Variants in PRICKLE1 observed in about 807,000 individuals in gnomAD.
The protein encoded by PRICKLE1 is prickle-like protein 1.
A neutral mutation model predicts 70.2 loss-of-function variants in PRICKLE1; 14 were observed. That is an observed-to-expected ratio of 0.20 (90% CI 0.13 to 0.31). The LOEUF (loss-of-function observed/expected upper bound fraction) is 0.31, where lower values mean the gene tolerates loss of function less well. Ranked by LOEUF, PRICKLE1 falls within the 10% of genes least tolerant of loss-of-function variation. PRICKLE1 has a pLI of 1.00. For synonymous variants in PRICKLE1, 357 were observed against 379.9 expected (o/e 0.94, Z 0.70); for missense variants, 821 against 1,026.2 (o/e 0.80, Z 2.73).
At chr12:42,478,261 T>C (rs1270591734) in intron 1 of PRICKLE1, among the ~76,000 whole-genome samples, 1 of 152,172 alleles carries the variant, frequency 6.6e-6, no homozygotes, top group African/African-American at 2.4e-5. Flanking sequence ...TAAAATGCTG[T>C]AGCAAACTTA....
chr12:42,467,809 AT>A (rs1165025588), intron 5 of PRICKLE1, among the ~76,000 whole-genome samples: 3 of 152,232 alleles, frequency 2.0e-5, no homozygotes, highest in African/African-American at 7.2e-5. Flanking sequence ...GTTGAAAAAA[AT>A]GTATAAAGTA....
chr12:42,476,559 G>A (rs1938544516), intron 1 of PRICKLE1, among the ~76,000 whole-genome samples: 1 of 152,106 alleles, frequency 6.6e-6, no homozygotes, highest in Non-Finnish European at 1.5e-5. Context: ...CAGGGGATCT[G>A]CCCGCTTTGG....
chr12:42,526,959 C>T (rs531769075), intron 1 of PRICKLE1, among the ~76,000 whole-genome samples: 13 of 152,054 alleles, frequency 8.5e-5, no homozygotes, highest in South Asian at 6.2e-4. Flanking sequence ...ATAGGGGTGA[C>T]GGTGAGTGGG....
chr12:42,508,058 C>A (rs964347632), intron 1 of PRICKLE1, among the ~76,000 whole-genome samples: 1 of 151,656 alleles, frequency 6.6e-6, no homozygotes, highest in Non-Finnish European at 1.5e-5. Context: ...ATTTCAATGG[C>A]GATTTAGATA....
At chr12:42,555,416 G>A (rs546085243) in intron 1 of PRICKLE1, among the ~76,000 whole-genome samples, 2 of 152,228 alleles carry the variant, frequency 1.3e-5, no homozygotes, top group South Asian at 2.1e-4. Flanking sequence ...TTATAGATGC[G>A]AAAAACAATA....
At chr12:42,539,294 T>C (rs111603444) in intron 1 of PRICKLE1, among the ~76,000 whole-genome samples, 10,117 of 151,974 alleles carry the variant, frequency 0.067, 429 homozygotes, top group Middle Eastern at 0.11. Context: ...GGTGAAACCC[T>C]GTCTCTACTA....
chr12:42,470,072 T>TTTTCTCTC, intron 3 of PRICKLE1, 174 bp downstream of exon 3: 1 of 613,062 alleles, frequency 1.6e-6, no homozygotes, highest in South Asian at 1.9e-5. Flanking sequence ...ACTGATACTC[T>TTTTCTCTC]TTTCTCTCTT....
chr12:42,513,368 T>C (rs766762580), intron 1 of PRICKLE1, among the ~76,000 whole-genome samples: 6 of 152,164 alleles, frequency 3.9e-5, no homozygotes, highest in Admixed American at 6.6e-5. Context: ...GTAGCTCCAA[T>C]ACCTGGTGCA....
At chr12:42,498,938 C>T (rs11181527) in intron 1 of PRICKLE1, among the ~76,000 whole-genome samples, 55,202 of 152,070 alleles carry the variant, frequency 0.36, 11,037 homozygotes, top group East Asian at 0.51. Context: ...ACACTGAGCT[C>T]TCACTGCTCC....
At chr12:42,543,757 G>A (rs766924935) in intron 1 of PRICKLE1, among the ~76,000 whole-genome samples, 3 of 152,028 alleles carry the variant, frequency 2.0e-5, no homozygotes, top group African/African-American at 4.8e-5. Flanking sequence ...TCCTGACCTC[G>A]TTATCTGCCT....
At chr12:42,583,303 G>A (rs529311862) in intron 1 of PRICKLE1, among the ~76,000 whole-genome samples, 8 of 152,088 alleles carry the variant, frequency 5.3e-5, no homozygotes, top group Non-Finnish European at 1.2e-4. Flanking sequence ...GCCTGGGTAA[G>A]GTGGATGTGT....
intron 1 of PRICKLE1, among the ~76,000 whole-genome samples, chr12:42,563,702 CAAAAAAAAA>C (rs11367725): frequency 4.3e-5 from 2 of 46,512 alleles, no homozygotes; most frequent in South Asian, 1.2e-3. Flanking sequence ...GACTCTGTCT[CAAAAAAAAA>C]AAAAAAAAAA....
At chr12:42,550,831 A>T (rs1940302170) in intron 1 of PRICKLE1, among the ~76,000 whole-genome samples, 1 of 152,232 alleles carries the variant, frequency 6.6e-6, no homozygotes, top group Admixed American at 6.5e-5. Context: ...AATTGTCAAG[A>T]GAGTTTCTCC....
chr12:42,522,722 G>A (rs1939732611), intron 1 of PRICKLE1, among the ~76,000 whole-genome samples: 1 of 152,028 alleles, frequency 6.6e-6, no homozygotes, highest in African/African-American at 2.4e-5. Flanking sequence ...TACTTTGGTG[G>A]CTAGACAAAG....
intron 5 of PRICKLE1, among the ~76,000 whole-genome samples, chr12:42,466,867 T>C (rs1938113639): frequency 6.6e-6 from 1 of 152,152 alleles, no homozygotes; most frequent in African/African-American, 2.4e-5. Context: ...TTGGTGGCCA[T>C]CTCTAGATTA....
chr12:42,476,699 G>A (rs894122322), intron 1 of PRICKLE1, among the ~76,000 whole-genome samples: 3 of 152,110 alleles, frequency 2.0e-5, no homozygotes, highest in South Asian at 2.1e-4. Context: ...AGGCTGGAGT[G>A]CAGTGGCACA....
At chr12:42,501,394 C>CAGCT in intron 1 of PRICKLE1, among the ~76,000 whole-genome samples, 1 of 151,230 alleles carries the variant, frequency 6.6e-6, no homozygotes, top group East Asian at 2.0e-4. Context: ...CCTGTAGTCC[C>CAGCT]AGCTACTCAG....
intron 1 of PRICKLE1, among the ~76,000 whole-genome samples, chr12:42,513,928 C>T (rs1267269085): frequency 3.3e-5 from 5 of 151,920 alleles, no homozygotes; most frequent in Admixed American, 2.0e-4. Context: ...ACCCAGGAGG[C>T]GGAGGTTACA....
intron 1 of PRICKLE1, chr12:42,584,231 A>C (rs1940950867): frequency 6.6e-6 from 1 of 152,084 alleles, no homozygotes; most frequent in Non-Finnish European, 1.5e-5. Context: ...ATAGAGCCAC[A>C]AAAAGAAAAA....
Sources: gnomAD v4.1 joint callset for allele counts (sites outside exome capture counted in the v4.1 genomes callset) on GRCh38, gnomAD v4.1.1 for gene constraint, MANE v1.5 for transcripts, NCBI Gene and HGNC (gene_info 2026-07-23, HGNC 2026-07-21) for gene names.